Variants in NXPH1 observed in about 807,000 individuals in gnomAD.
NXPH1 encodes the protein neurexophilin 1.
A neutral mutation model predicts 23.7 loss-of-function variants in NXPH1; 5 were observed. That is an observed-to-expected ratio of 0.21 (90% confidence interval 0.11 to 0.44). NXPH1 has a LOEUF of 0.44. Among genes scored for constraint, NXPH1 ranks in the 20% least tolerant of loss-of-function variants. NXPH1 has a pLI of 0.99. For synonymous variants in NXPH1, 144 were observed against 122.2 expected, an observed-to-expected ratio of 1.18 and a Z score of -1.18; for missense variants, 324 against 321.6, an observed-to-expected ratio of 1.01 and a Z score of -0.06.
chr7:8,628,637 A>T (rs1168633056), intron 2 of NXPH1, among the ~76,000 whole-genome samples: 1 of 152,028 alleles, frequency 6.6e-6, no homozygotes, highest in South Asian at 2.1e-4. Context: ...CTTTTCATGT[A>T]CTATAATCAA....
At chr7:8,514,050 C>G (rs1384002652) in intron 2 of NXPH1, among the ~76,000 whole-genome samples, 2 of 152,032 alleles carry the variant, frequency 1.3e-5, no homozygotes, top group African/African-American at 4.8e-5. Flanking sequence ...CCCAATTGTT[C>G]CTTTTTATAA....
intron 2 of NXPH1, among the ~76,000 whole-genome samples, chr7:8,476,721 C>G (rs1196145757): frequency 6.6e-6 from 1 of 151,788 alleles, no homozygotes; most frequent in Non-Finnish European, 1.5e-5. Context: ...AAAATAAAAA[C>G]TGTAATGTGT....
intron 2 of NXPH1, among the ~76,000 whole-genome samples, chr7:8,707,664 A>T (rs1457528877): frequency 6.6e-6 from 1 of 152,124 alleles, no homozygotes; most frequent in Non-Finnish European, 1.5e-5. Flanking sequence ...ATAGTAAAGC[A>T]GTAAGACATA....
intron 2 of NXPH1, among the ~76,000 whole-genome samples, chr7:8,633,232 G>A (rs6962529): frequency 0.28 from 41,939 of 152,062 alleles, 6,250 homozygotes; most frequent in African/African-American, 0.35. Context: ...GGAGATGGAG[G>A]CCATCCTGGC....
chr7:8,568,561 C>T (rs6975588), intron 2 of NXPH1, among the ~76,000 whole-genome samples: 58,008 of 148,702 alleles, frequency 0.39, 13,837 homozygotes, highest in African/African-American at 0.69. Flanking sequence ...TGTATGTGTG[C>T]AAATCTCCAA....
Position 8,710,647 on chromosome 7 carries a change from GTT to G in NXPH1, c.55-40336_55-40335del, listed in dbSNP as rs1424880912. On this transcript the variant is annotated intron_variant, in intron 2 of 2. Coordinates refer to ENST00000405863, the MANE Select transcript of NXPH1 (RefSeq NM_152745.3). The stretch of plus-strand genomic sequence containing the variant: ...AAGCATGTCAACTGTTACGTTTTTT[GTT>G]TTTTTTTTTTTTTTTTTTTTTTTTG... Among the ~76,000 whole-genome samples the G allele has an allele frequency of 9.7e-5, 5 of 51,718 alleles. 2 individuals carry two copies. The highest frequency in any genetic ancestry group is 3.9e-4 in the African/African-American group (5 of 12,886). The allele number at this position is 51,718 out of a possible 152,430, so 33.9% of individuals were successfully genotyped here.
At chr7:8,646,613 A>T (rs1820403438) in intron 2 of NXPH1, among the ~76,000 whole-genome samples, 1 of 152,016 alleles carries the variant, frequency 6.6e-6, no homozygotes, top group African/African-American at 2.4e-5. Flanking sequence ...ATTCTCTTCT[A>T]TTCCTAGTTT....
chr7:8,514,147 C>T (rs1204200008), intron 2 of NXPH1, among the ~76,000 whole-genome samples: 2 of 152,138 alleles, frequency 1.3e-5, no homozygotes, highest in African/African-American at 4.8e-5. Context: ...AAGTTACATT[C>T]TAAGGTACTG....
At chr7:8,710,460 A>G (rs1414010012) in intron 2 of NXPH1, among the ~76,000 whole-genome samples, 1 of 152,064 alleles carries the variant, frequency 6.6e-6, no homozygotes, top group African/African-American at 2.4e-5. Flanking sequence ...CTCATATTTT[A>G]CATTTTAAAG....
At chr7:8,632,863 T>C (rs1216005044) in intron 2 of NXPH1, among the ~76,000 whole-genome samples, 1 of 152,198 alleles carries the variant, frequency 6.6e-6, no homozygotes, top group East Asian at 1.9e-4. Flanking sequence ...TAGATGAGCA[T>C]TCTAATAATC....
intron 2 of NXPH1, among the ~76,000 whole-genome samples, chr7:8,606,416 A>G (rs1819492557): frequency 1.3e-5 from 2 of 152,176 alleles, no homozygotes; most frequent in African/African-American, 4.8e-5. Context: ...AGGTACTGTT[A>G]ACAATGTGAT....
intron 2 of NXPH1, among the ~76,000 whole-genome samples, chr7:8,539,299 A>T (rs1157577555): frequency 6.6e-6 from 1 of 151,806 alleles, no homozygotes; most frequent in Non-Finnish European, 1.5e-5. Flanking sequence ...TTGCAGAAAA[A>T]CAGCTAAAGA....
intron 2 of NXPH1, among the ~76,000 whole-genome samples, chr7:8,518,509 T>C (rs1391651772): frequency 6.6e-6 from 1 of 152,200 alleles, no homozygotes; most frequent in African/African-American, 2.4e-5. Flanking sequence ...CCCTTGTTTA[T>C]AGAGGCAGGT....
chr7:8,710,863 C>T lies in NXPH1; in HGVS notation c.55-40145C>T, dbSNP rs1037794185. 6.0e-5 allele frequency among the ~76,000 whole-genome samples: 7 copies of T among 117,610 alleles called. 1 individual carries two copies. Among genetic ancestry groups the T allele is most frequent in the Admixed American group, 1.6e-4 (2 of 12,438 alleles). The allele number at this position is 117,610 out of a possible 152,430, so 77.2% of individuals were successfully genotyped here. ...ATTTTTAGTAGAGACGGGGTTTCAC[C>T]GTGTTAGCCAGGATGGTCTCGATCT... On this transcript the variant is annotated intron_variant, in intron 2 of 2. Coordinates refer to ENST00000405863, the MANE Select transcript of NXPH1 (RefSeq NM_152745.3).
At chr7:8,684,068 A>G (rs191731617) in intron 2 of NXPH1, among the ~76,000 whole-genome samples, 49 of 152,246 alleles carry the variant, frequency 3.2e-4, no homozygotes, top group African/African-American at 1.2e-3. Flanking sequence ...TCATGTTTGG[A>G]GAACAGTGAA....
intron 2 of NXPH1, among the ~76,000 whole-genome samples, chr7:8,686,443 C>T (rs1451879902): frequency 6.6e-6 from 1 of 152,074 alleles, no homozygotes; most frequent in Non-Finnish European, 1.5e-5. Context: ...CAGAAAATAT[C>T]AGGTGTATTT....
intron 2 of NXPH1, among the ~76,000 whole-genome samples, chr7:8,501,310 A>G (rs1415176310): frequency 1.3e-5 from 2 of 152,046 alleles, no homozygotes; most frequent in Non-Finnish European, 2.9e-5. Flanking sequence ...ATGGCAAATA[A>G]TCAGTTCCTG....
At chr7:8,609,237 A>G (rs1819566317) in intron 2 of NXPH1, among the ~76,000 whole-genome samples, 1 of 152,186 alleles carries the variant, frequency 6.6e-6, no homozygotes, top group African/African-American at 2.4e-5. Context: ...GAAGCTCAAT[A>G]CATGTAAGCA....
At chr7:8,741,025 G>A (rs985541130) in intron 2 of NXPH1, among the ~76,000 whole-genome samples, 1 of 152,166 alleles carries the variant, frequency 6.6e-6, no homozygotes, top group Non-Finnish European at 1.5e-5. Context: ...TCAAATGTTT[G>A]TATCCTTTAA....
Sources: gnomAD v4.1 joint callset for allele counts (sites outside exome capture counted in the v4.1 genomes callset) on GRCh38, gnomAD v4.1.1 for gene constraint, MANE v1.5 for transcripts, NCBI Gene and HGNC (gene_info 2026-07-23, HGNC 2026-07-21) for gene names.